The following RHBDD1 variants were observed in gnomAD, a reference collection of about 807,000 sequenced individuals.
RHBDD1 encodes the protein rhomboid domain containing 1, also known as rhomboid-related protein 4.
Under a neutral mutation model 36.3 loss-of-function variants are expected in RHBDD1, and 38 were observed. That is an observed-to-expected ratio of 1.05 (90% CI 0.81 to 1.37). The LOEUF is 1.37. Ranked by LOEUF, RHBDD1 falls within the 40% of genes most tolerant of loss-of-function variation. RHBDD1 has a pLI of 0.00. For missense variants in RHBDD1, 393 were observed against 377.6 expected, an observed-to-expected ratio of 1.04 and a Z score of -0.34; for synonymous variants, 151 against 136.5, an observed-to-expected ratio of 1.11 and a Z score of -0.74.
At chr2:226,813,887 A>C in the RHBDD1 span, among the ~76,000 whole-genome samples, 4 of 152,232 alleles carry the variant, frequency 2.6e-5, no homozygotes, top group African/African-American at 9.6e-5. Context: ...TGGGGATTAC[A>C]AAATCGTTAC....
chr2:226,863,749 A>G (rs1944067592), intron 3 of RHBDD1, among the ~76,000 whole-genome samples: 1 of 152,316 alleles, frequency 6.6e-6, no homozygotes, highest in East Asian at 1.9e-4. Context: ...CTGGGAGCTT[A>G]TGTAGTATCC....
At chr2:226,985,248 A>G (rs897480203) in intron 8 of RHBDD1, among the ~76,000 whole-genome samples, 3 of 152,168 alleles carry the variant, frequency 2.0e-5, no homozygotes, top group East Asian at 1.9e-4. Context: ...TCATATCCAT[A>G]TCTGTATCTA....
chr2:226,902,106 C>G (rs6752707), intron 5 of RHBDD1, among the ~76,000 whole-genome samples: 66,224 of 151,996 alleles, frequency 0.44, 14,616 homozygotes, highest in South Asian at 0.5. Context: ...GTAAGGTCAA[C>G]AGGAAGTTGT....
At chr2:226,903,215 T>A in intron 5 of RHBDD1, among the ~76,000 whole-genome samples, 1 of 152,230 alleles carries the variant, frequency 6.6e-6, no homozygotes, top group East Asian at 1.9e-4. Flanking sequence ...CCCCCTTATC[T>A]GTGATTTTGC....
At chr2:226,956,941 G>A (rs1003300767) in intron 8 of RHBDD1, among the ~76,000 whole-genome samples, 8 of 152,202 alleles carry the variant, frequency 5.3e-5, no homozygotes, top group African/African-American at 1.4e-4. Flanking sequence ...CTCCACACCT[G>A]CTTCTGTGCT....
At chr2:226,904,194 C>T (rs1388027839) in intron 5 of RHBDD1, among the ~76,000 whole-genome samples, 1 of 152,178 alleles carries the variant, frequency 6.6e-6, no homozygotes, top group East Asian at 1.9e-4. Flanking sequence ...CTTAAGCTGC[C>T]TGTGGACCGC....
intron 8 of RHBDD1, among the ~76,000 whole-genome samples, chr2:226,952,585 G>A (rs1298630629): frequency 6.6e-6 from 1 of 152,022 alleles, no homozygotes; most frequent in Non-Finnish European, 1.5e-5. Flanking sequence ...CACCATTCCC[G>A]GCCTGACTTC....
intron 5 of RHBDD1, among the ~76,000 whole-genome samples, chr2:226,878,449 G>A (rs112879153): frequency 0.01 from 1,537 of 152,304 alleles, 9 homozygotes; most frequent in Non-Finnish European, 0.017. Flanking sequence ...GTGACTTGCT[G>A]TAACCAATAG....
At chr2:226,805,717 T>G in the RHBDD1 span, among the ~76,000 whole-genome samples, 3 of 152,240 alleles carry the variant, frequency 2.0e-5, no homozygotes, top group African/African-American at 7.2e-5. Flanking sequence ...GTCTTCACAG[T>G]AATCCCTCAA....
At chr2:226,960,378 A>G (rs935694305) in intron 8 of RHBDD1, among the ~76,000 whole-genome samples, 2 of 152,180 alleles carry the variant, frequency 1.3e-5, no homozygotes, top group East Asian at 3.9e-4. Context: ...GCATCACTTC[A>G]CATCCAGCTT....
intron 8 of RHBDD1, among the ~76,000 whole-genome samples, chr2:226,922,884 G>A (rs1257664598): frequency 1.3e-5 from 2 of 152,124 alleles, no homozygotes; most frequent in East Asian, 3.8e-4. Flanking sequence ...AAGCAAGCAA[G>A]CAAGCAAAGA....
In RHBDD1 at chr2:226,873,445, A is replaced by G. The variant is rs560040883; in HGVS notation, c.566+6127A>G. Among the ~76,000 whole-genome samples the G allele has an allele frequency of 4.3e-3, 648 of 152,338 alleles. 7 individuals are homozygous for G. Among genetic ancestry groups the G allele is most frequent in the Middle Eastern group, 6.8e-3 (2 of 294 alleles). On this transcript the variant is annotated intron_variant, in intron 5 of 8. Coordinates refer to ENST00000392062, the MANE Select transcript of RHBDD1 (RefSeq NM_001167608.3). ...GTTAAGATATCTCACTTTCACAAGTATAAAAGAAATATGACCATGTGAACA... is the reference window on the plus strand; with the variant it reads ...GTTAAGATATCTCACTTTCACAAGTGTAAAAGAAATATGACCATGTGAACA...
At chr2:226,968,769 G>T (rs1219412691) in intron 8 of RHBDD1, among the ~76,000 whole-genome samples, 7 of 152,192 alleles carry the variant, frequency 4.6e-5, no homozygotes, top group African/African-American at 1.7e-4. Flanking sequence ...AACAATAAAA[G>T]AAGCCAAGGC....
the RHBDD1 span, among the ~76,000 whole-genome samples, chr2:226,818,359 G>A: frequency 2.7e-5 from 4 of 149,770 alleles, no homozygotes; most frequent in Non-Finnish European, 5.9e-5. Context: ...GTAGAGATGG[G>A]GTTTCACTGT....
At chr2:226,944,948 C>T (rs1950876327) in intron 8 of RHBDD1, among the ~76,000 whole-genome samples, 1 of 151,834 alleles carries the variant, frequency 6.6e-6, no homozygotes, top group Non-Finnish European at 1.5e-5. Flanking sequence ...GATAAAAGCC[C>T]AGGAATAGGG....
At chr2:226,905,884 G>T (rs149367799) in intron 5 of RHBDD1, among the ~76,000 whole-genome samples, 1 of 152,272 alleles carries the variant, frequency 6.6e-6, no homozygotes, top group East Asian at 1.9e-4. Flanking sequence ...GCTAGTGGAT[G>T]TGTGCATGTG....
chr2:226,908,983 T>G (rs1356707555), intron 7 of RHBDD1, 105 bp downstream of exon 7: 3 of 739,746 alleles, frequency 4.1e-6, no homozygotes, highest in Non-Finnish European at 7.0e-6. Flanking sequence ...TGTGGTAGGG[T>G]CATTCACATG....
rs374371418 is a variant in RHBDD1, at chr2:226,864,699, A to C, written c.6A>C (p.Gln2His). 1 of 1,613,088 alleles carries C rather than the reference A, an allele frequency of 6.2e-7. No homozygotes were observed. The highest frequency in any genetic ancestry group is 1.7e-5 in the Admixed American group (1 of 60,002). The change falls in exon 4 of 9, where the codon CAA (glutamine) becomes CAC (histidine). Residue 2 changes from glutamine (Q) to histidine (H), a missense_variant. By Grantham distance (24) the Gln-to-His change is conservative. Coordinates refer to ENST00000392062, the MANE Select transcript of RHBDD1 (RefSeq NM_001167608.3). M[Q>H]RRSRGINTGL... ...TGTTTCCCTGATATCTGGCCATGCA[A>C]CGGAGATCAAGAGGGATAAATACTG...
At position 226,980,848 on chromosome 2, in the gene RHBDD1, T is replaced by C. The variant is rs1955567443; in HGVS notation, c.857-14583T>C. The stretch of plus-strand genomic sequence containing the variant: ...GAGTTTTCTTTTTCTGTTCATAAAA[T>C]GTTTTATTTTACTAGAATTTATAAA... On this transcript the variant is annotated intron_variant, in intron 8 of 8. Coordinates refer to ENST00000392062, the MANE Select transcript of RHBDD1 (RefSeq NM_001167608.3). Among the ~76,000 whole-genome samples, 4 of 152,354 alleles carry C rather than the reference T, an allele frequency of 2.6e-5. No individual in the cohort carries two copies. In the South Asian group the frequency reaches 8.3e-4, roughly 32 times the overall value.
Sources: allele counts gnomAD v4.1 joint callset (sites outside exome capture counted in the v4.1 genomes callset), GRCh38; gene constraint gnomAD v4.1.1; transcripts MANE v1.5; gene names NCBI Gene and HGNC (gene_info 2026-07-23, HGNC 2026-07-21).